CCDC171: variants seen among roughly 807,000 people sequenced by gnomAD.
The protein encoded by CCDC171 is coiled-coil domain-containing protein 171.
In CCDC171, 177 loss-of-function variants were observed where a neutral mutation model predicts 168.2. The ratio of observed to expected loss-of-function variants is 1.05; its 90% CI spans 0.93 to 1.19. CCDC171 has a LOEUF of 1.19. CCDC171 is among the 50% of genes most tolerant of loss of function. The pLI is 0.00. For synonymous variants in CCDC171, 687 were observed against 540.8 expected (o/e 1.27, Z -3.75); for missense variants, 1,991 against 1,539.0 (o/e 1.29, Z -4.91).
chr9:15,936,624 T>G (rs891626976), intron 25 of CCDC171, among the ~76,000 whole-genome samples: 3 of 152,004 alleles, frequency 2.0e-5, no homozygotes, highest in Non-Finnish European at 2.9e-5. Context: ...ATAGTCTTTT[T>G]TATTATACTG....
chr9:16,017,206 C>A (rs1008168481), intron 3 of CCDC171, among the ~76,000 whole-genome samples: 4 of 151,592 alleles, frequency 2.6e-5, no homozygotes, highest in African/African-American at 7.3e-5. Flanking sequence ...CTGTCTATAC[C>A]CTTTATCCAG....
chr9:16,087,557 CTTT>C, the CCDC171 span, among the ~76,000 whole-genome samples: 1,523 of 78,776 alleles, frequency 0.019, 11 homozygotes, highest in African/African-American at 0.07. Context: ...GCAACTCCTG[CTTT>C]TTTTTTTTTT....
At chr9:15,666,749 C>T (rs993017589) in intron 9 of CCDC171, among the ~76,000 whole-genome samples, 5 of 151,996 alleles carry the variant, frequency 3.3e-5, no homozygotes, top group East Asian at 1.9e-4. Flanking sequence ...CACCTGAGCC[C>T]GGGAGTTCAA....
intron 9 of CCDC171, among the ~76,000 whole-genome samples, chr9:15,678,444 G>C (rs2049796326): frequency 1.3e-5 from 2 of 152,054 alleles, no homozygotes; most frequent in African/African-American, 4.8e-5. Flanking sequence ...TAGTCTCTGA[G>C]CTAATTGAAC....
intron 1 of CCDC171, among the ~76,000 whole-genome samples, chr9:16,059,407 T>C (rs897080287): frequency 1.1e-4 from 17 of 151,928 alleles, no homozygotes; most frequent in Non-Finnish European, 2.1e-4. Flanking sequence ...GGAGAGGACT[T>C]CCACACTGTG....
At chr9:15,581,504 G>C (rs573699024) in intron 4 of CCDC171, among the ~76,000 whole-genome samples, 1 of 152,246 alleles carries the variant, frequency 6.6e-6, no homozygotes, top group African/African-American at 2.4e-5. Flanking sequence ...CAAAGCTGGA[G>C]GTATCACGCT....
At chr9:16,027,697 G>A (rs151163263) in intron 6 of CCDC171, among the ~76,000 whole-genome samples, 148 of 152,246 alleles carry the variant, frequency 9.7e-4, no homozygotes, top group African/African-American at 3.1e-3. Flanking sequence ...GACATTGTTT[G>A]CATTAAAGGG....
intron 22 of CCDC171, 138 bp downstream of exon 22, chr9:15,846,985 A>G (rs2060925823): frequency 1.5e-6 from 1 of 665,974 alleles, no homozygotes; most frequent in Non-Finnish European, 2.4e-6. Flanking sequence ...ATTCTCTGAT[A>G]TATCCTCAAA....
chr9:15,751,231 AG>A (rs2055719238), intron 18 of CCDC171, among the ~76,000 whole-genome samples: 1 of 152,308 alleles, frequency 6.6e-6, no homozygotes, highest in East Asian at 1.9e-4. Flanking sequence ...AGGGATGTGA[AG>A]GACCTCTTCA....
intron 24 of CCDC171, among the ~76,000 whole-genome samples, chr9:15,902,044 T>C (rs567843243): frequency 2.8e-4 from 42 of 152,258 alleles, no homozygotes; most frequent in African/African-American, 8.9e-4. Context: ...AACTTTTCTT[T>C]GATGGCAAGT....
Position 15,628,618 on chromosome 9 carries a change from A to G in CCDC171, c.822+5205A>G, listed in dbSNP as rs1016977537. 3.3e-5 allele frequency among the ~76,000 whole-genome samples: 5 copies of G among 152,222 alleles called. No homozygotes were observed. The East Asian group carries it at 9.6e-4, about 29-fold the overall frequency. ...GGGGGCAGGGCACAGACAAACAAAA[A>G]GACAGCAGTAACCTCTGCAGACTTA... is the stretch of plus-strand genomic sequence containing the variant. On this transcript the variant is annotated intron_variant, in intron 7 of 25. Coordinates refer to ENST00000380701, the MANE Select transcript of CCDC171 (RefSeq NM_173550.4).
chr9:16,001,662 C>T (rs1057200328), intron 3 of CCDC171, among the ~76,000 whole-genome samples: 4 of 151,952 alleles, frequency 2.6e-5, no homozygotes, highest in Non-Finnish European at 4.4e-5. Flanking sequence ...TTCCTATAGC[C>T]GAGTGACATT....
intron 2 of CCDC171, among the ~76,000 whole-genome samples, chr9:15,565,437 G>C (rs921649379): frequency 2.6e-5 from 4 of 152,100 alleles, no homozygotes; most frequent in South Asian, 2.1e-4. Flanking sequence ...TCCTGCATCA[G>C]CCTCCCAAGT....
chr9:15,784,963 C>G (rs2057862487), intron 21 of CCDC171, among the ~76,000 whole-genome samples: 1 of 152,008 alleles, frequency 6.6e-6, no homozygotes, highest in South Asian at 2.1e-4. Flanking sequence ...ATAAAATTAA[C>G]AATAAATTTT....
chr9:15,701,790 A>T (rs983238747), intron 11 of CCDC171, among the ~76,000 whole-genome samples: 1 of 152,102 alleles, frequency 6.6e-6, no homozygotes, highest in Non-Finnish European at 1.5e-5. Context: ...GAACTCCTCA[A>T]AGTCATCCAC....
intron 3 of CCDC171, among the ~76,000 whole-genome samples, chr9:15,996,168 C>G (rs1417630838): frequency 6.6e-6 from 1 of 152,112 alleles, no homozygotes; most frequent in African/African-American, 2.4e-5. Flanking sequence ...TTCACTGTTA[C>G]TCTTCGGGGT....
intron 10 of CCDC171, among the ~76,000 whole-genome samples, chr9:15,686,045 G>C (rs1056402160): frequency 1.3e-5 from 2 of 151,978 alleles, no homozygotes; most frequent in African/African-American, 4.8e-5. Context: ...TATTGTAATA[G>C]TGTGGAAATA....
chr9:15,975,540 G>C (rs1831595221), downstream of CCDC171, among the ~76,000 whole-genome samples: 1 of 152,070 alleles, frequency 6.6e-6, no homozygotes, highest in African/African-American at 2.4e-5. Flanking sequence ...ATCTTTCAAA[G>C]GAAACACCAC....
chr9:15,802,740 T>G (rs1029758095), intron 21 of CCDC171, among the ~76,000 whole-genome samples: 1 of 152,132 alleles, frequency 6.6e-6, no homozygotes, highest in African/African-American at 2.4e-5. Flanking sequence ...GCCTTTATAA[T>G]AGAACAATTT....
Sources: allele counts gnomAD v4.1 joint callset (sites outside exome capture counted in the v4.1 genomes callset), GRCh38; gene constraint gnomAD v4.1.1; transcripts MANE v1.5; gene names NCBI Gene and HGNC (gene_info 2026-07-23, HGNC 2026-07-21).